The following UVSSA variants were observed in gnomAD, a reference collection of about 807,000 sequenced individuals.
UVSSA encodes the protein UV-stimulated scaffold protein A.
UVSSA carries 72 observed loss-of-function variants against 73.9 expected under a neutral mutation model. That is an observed-to-expected ratio of 0.97 (90% CI 0.81 to 1.19). UVSSA has a LOEUF of 1.19. Among genes scored for constraint, UVSSA ranks in the 50% most tolerant of loss-of-function variants. UVSSA has a pLI of 0.00. For synonymous variants in UVSSA, 454 were observed against 391.3 expected (o/e 1.16, Z -1.89); for missense variants, 1,150 against 965.0 (o/e 1.19, Z -2.54).
downstream of UVSSA, chr4:1,390,907 C>A (rs1229027773): frequency 7.5e-6 from 1 of 134,072 alleles, no homozygotes; most frequent in Non-Finnish European, 1.6e-5. Flanking sequence ...TGTATAGATG[C>A]CTGTTGGGTC....
intron 8 of UVSSA, among the ~76,000 whole-genome samples, chr4:1,370,033 A>G (rs1337391563): frequency 6.6e-6 from 1 of 152,120 alleles, no homozygotes; most frequent in African/African-American, 2.4e-5. Context: ...AGAGAGATTG[A>G]TTTTCCACGC....
chr4:1,374,644 C>T lies in UVSSA; in HGVS notation c.1289-720C>T, dbSNP rs1441514924. ...GGCGGACCCTCTTCGACGGGCACTC[C>T]GGGACGGCATCTTGGTCCTTGGAAT... is the stretch of plus-strand genomic sequence containing the variant. On this transcript the variant is annotated intron_variant, in intron 8 of 13. Transcript: ENST00000389851. Among the ~76,000 whole-genome samples the T allele has an allele frequency of 2.6e-5, 4 of 152,154 alleles. No individual in the cohort carries two copies. In the East Asian group the frequency reaches 5.8e-4, roughly 22 times the overall value.
intron 10 of UVSSA, among the ~76,000 whole-genome samples, chr4:1,377,773 C>T (rs1356969038): frequency 6.6e-6 from 1 of 152,268 alleles, no homozygotes; most frequent in African/African-American, 2.4e-5. Context: ...TTCCACCTGC[C>T]TGGCCCGTCA....
chr4:1,378,700 C>T (rs180971314), intron 10 of UVSSA, among the ~76,000 whole-genome samples: 24 of 152,324 alleles, frequency 1.6e-4, no homozygotes, highest in Non-Finnish European at 3.2e-4. Flanking sequence ...GTCTCTGGTC[C>T]GAGTTCCGGG....
At chr4:1,359,919 G>A (rs191070455) in intron 7 of UVSSA, among the ~76,000 whole-genome samples, 6 of 152,304 alleles carry the variant, frequency 3.9e-5, no homozygotes, top group Non-Finnish European at 5.9e-5. Flanking sequence ...CCTGCTGTGC[G>A]TGAGGGAAAG....
chr4:1,367,707 G>C (rs537678418), intron 8 of UVSSA, among the ~76,000 whole-genome samples: 1 of 152,026 alleles, frequency 6.6e-6, no homozygotes. Context: ...TCCGGACCAG[G>C]GTCCTGCGCT....
intron 9 of UVSSA, 102 bp from the exon 10 acceptor site, chr4:1,375,932 C>G (rs1286401053): frequency 1.3e-6 from 2 of 1,508,460 alleles, no homozygotes; most frequent in East Asian, 2.5e-5. Flanking sequence ...TCACCTGATC[C>G]GACCCGAGGC....
chr4:1,380,568 G>T (rs1203270128), intron 11 of UVSSA: 1 of 1,325,934 alleles, frequency 7.5e-7, no homozygotes, highest in Admixed American at 2.4e-5. Flanking sequence ...AGGGGGCCAG[G>T]GCAGCTCCCA....
intron 8 of UVSSA, among the ~76,000 whole-genome samples, chr4:1,367,377 A>G (rs1560460778): frequency 6.6e-6 from 1 of 152,204 alleles, no homozygotes; most frequent in Non-Finnish European, 1.5e-5. Context: ...TGGAATGGAC[A>G]AGTTGGTTTC....
At chr4:1,358,913 C>T (rs1469772076) in intron 7 of UVSSA, among the ~76,000 whole-genome samples, 1 of 152,198 alleles carries the variant, frequency 6.6e-6, no homozygotes, top group Non-Finnish European at 1.5e-5. Flanking sequence ...GAGATGGGAA[C>T]ATGGAACGCT....
chr4:1,369,306 C>G (rs1015001089), intron 8 of UVSSA, among the ~76,000 whole-genome samples: 3 of 152,220 alleles, frequency 2.0e-5, no homozygotes, highest in African/African-American at 7.2e-5. Flanking sequence ...GAGCTGCCCT[C>G]TGGGGTGCGC....
intron 7 of UVSSA, among the ~76,000 whole-genome samples, chr4:1,357,577 C>T (rs1320421791): frequency 2.0e-5 from 3 of 152,226 alleles, no homozygotes; most frequent in Non-Finnish European, 2.9e-5. Flanking sequence ...TCTAATTCAG[C>T]GCGGCCACGG....
rs775833391 is a variant in UVSSA at position 1,380,915 on chromosome 4, C to T, written c.1788C>T (p.Asp596=). Residue 596 remains aspartate (D), a synonymous_variant, in exon 12 of 14, where the codon GAC becomes GAT. Transcript: ENST00000389851. ...ATGGGAAGATTGTTCCACGGGACGA[C>T]GAAGGACGGCCGCTCGACCCGGAAG... ...PFHGKIVPRD[D]EGRPLDPEDR... 1.7e-5 allele frequency: 27 copies of T among 1,613,014 alleles called. No homozygotes were observed. Among genetic ancestry groups the T allele is most frequent in the East Asian group, 4.5e-5 (2 of 44,860 alleles).
intron 7 of UVSSA, among the ~76,000 whole-genome samples, chr4:1,362,245 T>G (rs13142332): frequency 6.6e-6 from 1 of 152,210 alleles, no homozygotes; most frequent in African/African-American, 2.4e-5. Flanking sequence ...CCGCGGTGGC[T>G]GGGGTTCCTT....
At chr4:1,379,951 C>A in intron 10 of UVSSA, 96 bp from the exon 11 acceptor site, 1 of 1,404,968 alleles carries the variant, frequency 7.1e-7, no homozygotes. Flanking sequence ...GGCTGGGCTG[C>A]AGTGGTGTTT....
intron 8 of UVSSA, among the ~76,000 whole-genome samples, chr4:1,373,088 A>T (rs918024519): frequency 6.6e-6 from 1 of 152,222 alleles, no homozygotes; most frequent in African/African-American, 2.4e-5. Context: ...TAAAATCCTG[A>T]GCTTGAACTT....
intron 7 of UVSSA, among the ~76,000 whole-genome samples, chr4:1,362,025 C>T (rs1170508874): frequency 1.3e-5 from 2 of 152,226 alleles, no homozygotes; most frequent in East Asian, 3.9e-4. Context: ...AGACCTGCCC[C>T]TTCACACGGC....
At chr4:1,365,602 A>G (rs559009234) in intron 7 of UVSSA, among the ~76,000 whole-genome samples, 1 of 152,362 alleles carries the variant, frequency 6.6e-6, no homozygotes, top group East Asian at 1.9e-4. Flanking sequence ...CTGGCAGAGA[A>G]GTGGCCTTGT....
chr4:1,367,962 C>T (rs975664129), intron 8 of UVSSA, among the ~76,000 whole-genome samples: 1 of 152,274 alleles, frequency 6.6e-6, no homozygotes, highest in Admixed American at 6.5e-5. Context: ...CCTGGGGGTG[C>T]CTGAGCACAC....
Sources: allele counts gnomAD v4.1 joint callset (sites outside exome capture counted in the v4.1 genomes callset), GRCh38; gene constraint gnomAD v4.1.1; transcripts MANE v1.5; gene names NCBI Gene and HGNC (gene_info 2026-07-23, HGNC 2026-07-21).